AIRE: variants seen among roughly 807,000 people sequenced by gnomAD.
AIRE encodes the protein autoimmune polyendocrinopathy candidiasis ectodermal dystrophy protein.
A neutral mutation model predicts 62.1 loss-of-function variants in AIRE; 52 were observed. That is an observed-to-expected ratio of 0.84 (90% CI 0.67 to 1.06). The LOEUF is 1.06. Among genes scored for constraint, AIRE ranks in the 50% least tolerant of loss-of-function variants. The probability of loss-of-function intolerance (pLI) is 0.00; values close to 1 mark genes in which losing one functional copy is unlikely to be tolerated. For synonymous variants in AIRE, 342 were observed against 321.6 expected, an observed-to-expected ratio of 1.06 and a Z score of -0.68; for missense variants, 774 against 755.8, an observed-to-expected ratio of 1.02 and a Z score of -0.28.
chr21:44,294,397 G>T lies in AIRE; in HGVS notation c.1401-4G>T. 1 of 1,562,756 alleles carries T rather than the reference G, an allele frequency of 6.4e-7. No individual in the cohort carries two copies. The highest frequency in any genetic ancestry group is 8.6e-7 in the Non-Finnish European group (1 of 1,161,440). On this transcript the variant is annotated splice_polypyrimidine_tract_variant and splice_region_variant and intron_variant, in intron 11 of 13. Coordinates refer to ENST00000291582, the MANE Select transcript of AIRE (RefSeq NM_000383.4). ...GGCTGGCAGCCCCTCATCCTCTGCT[G>T]CAGGACGGGCCTGCGCTGCAGATCC... is the stretch of plus-strand genomic sequence containing the variant.
chr21:44,292,627 T>C (rs1344084112), intron 9 of AIRE, among the ~76,000 whole-genome samples: 1 of 152,128 alleles, frequency 6.6e-6, no homozygotes, highest in Non-Finnish European at 1.5e-5. Context: ...CTCTCCTGGC[T>C]GCGGGTCCAC....
chr21:44,294,989 G>C (rs376986921), intron 12 of AIRE, among the ~76,000 whole-genome samples: 1 of 152,206 alleles, frequency 6.6e-6, no homozygotes, highest in Non-Finnish European at 1.5e-5. Flanking sequence ...CTCCTGCTCC[G>C]GGGTCAGAGA....
intron 7 of AIRE, 78 bp from the exon 8 acceptor site, chr21:44,291,017 T>C (rs777217133): frequency 1.9e-6 from 3 of 1,613,320 alleles, no homozygotes; most frequent in Non-Finnish European, 8.5e-7. Flanking sequence ...CTGGGGGAGC[T>C]GTTTTGGGAA....
intron 10 of AIRE, 35 bp from the exon 11 acceptor site, chr21:44,293,754 C>T (rs757096478): frequency 6.3e-6 from 10 of 1,594,910 alleles, no homozygotes; most frequent in South Asian, 1.1e-5. Context: ...TTTCCCCCGG[C>T]CCCCCGCGTC....
Position 44,287,470 on chromosome 21 carries a change from C to T in AIRE, c.464-47C>T. The T allele has an allele frequency of 7.3e-7, 1 of 1,375,272 alleles. No homozygotes were observed. The highest frequency in any genetic ancestry group is 1.2e-5 in the South Asian group (1 of 80,382). The allele number at this position is 1,375,272 out of a possible 1,614,324, so 85.2% of individuals were successfully genotyped here. A position where few individuals can be genotyped will look rare whatever the true frequency, so the allele number is the denominator to read the frequency against. On this transcript the variant is annotated intron_variant, in intron 3 of 13. Coordinates refer to ENST00000291582, the MANE Select transcript of AIRE (RefSeq NM_000383.4). The surrounding 1 kb of genome is among the most constrained non-coding windows in gnomAD (Gnocchi z 4.3). ...GCGGGCCCCTGCCCACCGGCACTCA[C>T]CCCCACTGAGAGGGGAGGCCAGGCT...
chr21:44,289,603 C>T, intron 5 of AIRE, 54 bp from the exon 6 acceptor site: 10 of 1,609,906 alleles, frequency 6.2e-6, no homozygotes, highest in Non-Finnish European at 8.5e-6. Context: ...ACACGACTGC[C>T]AAGGCAGGTC....
At chr21:44,292,186 C>T (rs749596534) in intron 8 of AIRE, 116 bp from the exon 9 acceptor site, 12 of 826,948 alleles carry the variant, frequency 1.5e-5, no homozygotes, top group East Asian at 2.7e-5. Flanking sequence ...TGCTGTGCCT[C>T]GGTTCCCCCT....
chr21:44,288,413 C>G lies in AIRE; in HGVS notation c.607C>G (p.Arg203Gly). The change falls in exon 5 of 14, where the codon CGA becomes GGA. Residue 203 changes from arginine (R) to glycine (G), a missense_variant. Coordinates refer to ENST00000291582, the MANE Select transcript of AIRE (RefSeq NM_000383.4). ...AMSSGDVPGA[R>G]GAVEGILIQQ... ...GTCCTCCGGGGACGTCCCGGGAGCC[C>G]GAGGGGCCGTGGAGGGGATCCTCAT... 6.2e-7 allele frequency: 1 copy of G among 1,612,570 alleles called. No homozygotes were observed. The highest frequency in any genetic ancestry group is 8.5e-7 in the Non-Finnish European group (1 of 1,179,502).
chr21:44,296,243 C>A (rs2040605441), intron 12 of AIRE, 140 bp from the exon 13 acceptor site: 1 of 844,606 alleles, frequency 1.2e-6, no homozygotes, highest in East Asian at 2.5e-5. Context: ...CCCTGTGCCC[C>A]CACCCCCAGT....
chr21:44,287,078 A>G lies in AIRE; in HGVS notation c.408A>G (p.Glu136=), dbSNP rs2040489678. 1 of 1,612,230 alleles carries G rather than the reference A, an allele frequency of 6.2e-7. No homozygotes were observed. The highest frequency in any genetic ancestry group is 1.3e-5 in the African/African-American group (1 of 74,876). Reference sequence around the variant, plus strand: ...TCCCCACCAAGAGGAAGGCCTCAGAAGAGGCTCGAGCTGCCGCGCCAGCAG... The same window carrying G: ...TCCCCACCAAGAGGAAGGCCTCAGAGGAGGCTCGAGCTGCCGCGCCAGCAG... The part of the protein sequence containing the change: ...PRLPTKRKAS[E]EARAAAPAAL... Residue 136 remains glutamate (E), a synonymous_variant, in exon 3 of 14, where the codon GAA becomes GAG. Transcript: ENST00000291582. This position sits in a 1 kb window ranked among gnomAD's most constrained non-coding sequence, Gnocchi z 4.3.
Position 44,287,669 on chromosome 21 carries a change from C to T in AIRE, c.538+78C>T. 7.2e-7 allele frequency: 1 copy of T among 1,396,802 alleles called. No individual in the cohort carries two copies. The highest frequency in any genetic ancestry group is 9.9e-7 in the Non-Finnish European group (1 of 1,009,916). 86.5% of individuals were successfully genotyped at this position (1,396,802 alleles called of 1,614,324 possible). On this transcript the variant is annotated intron_variant, in intron 4 of 13. Coordinates refer to ENST00000291582, the MANE Select transcript of AIRE (RefSeq NM_000383.4). The surrounding 1 kb of genome is among the most constrained non-coding windows in gnomAD (Gnocchi z 4.3). The stretch of plus-strand genomic sequence containing the variant: ...GTCAGGGGTCAGAGCAGGGCCTGCC[C>T]TCTGAGACCCTGTCCTAGGGGCTGG...
In AIRE at chr21:44,293,812, C is replaced by A. The variant is rs370969296; in HGVS notation, c.1302C>A (p.Cys434Ter). The A allele has an allele frequency of 1.9e-6, 3 of 1,596,656 alleles. No individual in the cohort carries two copies. The highest frequency in any genetic ancestry group is 2.2e-5 in the East Asian group (1 of 44,868). ...AGAACCTGGCTCCTGGTGCGCGTTG[C>A]GGGGTGTGCGGAGATGGTACGGACG... The part of the protein sequence containing the change: ...GQQNLAPGAR[C>*]GVCGDGTDVL... The change falls in exon 11 of 14, where the codon TGC (cysteine) becomes TGA (stop). Residue 434 changes from cysteine (C) to a stop codon, truncating the protein, a stop_gained. Transcript: ENST00000291582. LOFTEE classifies it high-confidence loss of function.
At chr21:44,291,962 T>C (rs1294328245) in intron 8 of AIRE, among the ~76,000 whole-genome samples, 2 of 152,186 alleles carry the variant, frequency 1.3e-5, no homozygotes, top group Non-Finnish European at 2.9e-5. Flanking sequence ...CTGGGTGCCA[T>C]TCCCCTTAAC....
intron 6 of AIRE, 28 bp downstream of exon 6, chr21:44,289,830 C>A: frequency 3.1e-6 from 5 of 1,612,032 alleles, no homozygotes; most frequent in Non-Finnish European, 4.2e-6. Context: ...CCTGGGGAGC[C>A]TGGCTCTTGA....
rs754932526 is a variant in AIRE, at chr21:44,291,131, G to A, written c.916G>A (p.Gly306Arg). ...EDECAVCRDG[G>R]ELICCDGCPR... ...CGAGTGTGCCGTGTGTCGGGACGGCGGGGAGCTCATCTGCTGTGACGGCTG... is the reference window on the plus strand; with the variant it reads ...CGAGTGTGCCGTGTGTCGGGACGGCAGGGAGCTCATCTGCTGTGACGGCTG... The change falls in exon 8 of 14, where the codon GGG (glycine) becomes AGG (arginine). Residue 306 changes from glycine to arginine, a missense_variant. Physicochemically the swap from Gly to Arg is moderately radical, Grantham distance 125 (BLOSUM62 -2). Transcript: ENST00000291582. 1.2e-6 allele frequency: 2 copies of A among 1,612,112 alleles called. No individual in the cohort carries two copies. Among genetic ancestry groups the A allele is most frequent in the African/African-American group, 1.3e-5 (1 of 75,008 alleles).
chr21:44,296,382 G>A lies in AIRE; in HGVS notation c.1504-1G>A. On this transcript the variant is annotated splice_acceptor_variant, in intron 12 of 13. Coordinates refer to ENST00000291582, the MANE Select transcript of AIRE (RefSeq NM_000383.4). LOFTEE classifies it high-confidence loss of function. ...GACCTCTTCTCTTTACTGGGTTCCAGGATGACACTGCCAGTCACGAGCCCG... is the reference window on the plus strand; with the variant it reads ...GACCTCTTCTCTTTACTGGGTTCCAAGATGACACTGCCAGTCACGAGCCCG... The A allele has an allele frequency of 1.2e-6, 2 of 1,612,232 alleles. No individual in the cohort carries two copies. The highest frequency in any genetic ancestry group is 8.5e-7 in the Non-Finnish European group (1 of 1,179,572).
intron 12 of AIRE, among the ~76,000 whole-genome samples, chr21:44,295,485 G>A (rs1256028251): frequency 6.6e-6 from 1 of 152,166 alleles, no homozygotes; most frequent in Non-Finnish European, 1.5e-5. Flanking sequence ...CCACCCATCT[G>A]GAGTCAGGAG....
At chr21:44,288,569 C>T in intron 5 of AIRE, 111 bp downstream of exon 5, 1 of 763,750 alleles carries the variant, frequency 1.3e-6, no homozygotes, top group South Asian at 1.7e-5. Context: ...CGGACTGTTG[C>T]TCAGGTAGCC....
Position 44,287,653 on chromosome 21 carries a change from C to A in AIRE, c.538+62C>A. 2 of 1,477,062 alleles carry A rather than the reference C, an allele frequency of 1.4e-6. No individual in the cohort carries two copies. Among genetic ancestry groups the A allele is most frequent in the South Asian group, 2.4e-5 (2 of 82,356 alleles). 91.5% of individuals were successfully genotyped at this position (1,477,062 alleles called of 1,614,324 possible). A position where few individuals can be genotyped will look rare whatever the true frequency, so the allele number is the denominator to read the frequency against. ...TGGCCAGGGGCAAGGGGTCAGGGGTCAGAGCAGGGCCTGCCCTCTGAGACC... is the reference window on the plus strand; with the variant it reads ...TGGCCAGGGGCAAGGGGTCAGGGGTAAGAGCAGGGCCTGCCCTCTGAGACC... On this transcript the variant is annotated intron_variant, in intron 4 of 13. Transcript: ENST00000291582. This position sits in a 1 kb window ranked among gnomAD's most constrained non-coding sequence, Gnocchi z 4.3.
Sources: gnomAD v4.1 joint callset for allele counts (sites outside exome capture counted in the v4.1 genomes callset) on GRCh38, gnomAD v4.1.1 for gene constraint, Gnocchi (gnomAD v3.1) non-coding constraint, MANE v1.5 for transcripts, NCBI Gene and HGNC (gene_info 2026-07-23, HGNC 2026-07-21) for gene names.